PRKCE: variants seen among roughly 807,000 people sequenced by gnomAD.
The protein encoded by PRKCE is protein kinase C epsilon.
PRKCE carries 16 observed loss-of-function variants against 85.4 expected under a neutral mutation model. The observed-to-expected ratio is 0.19, with a 90% confidence interval of 0.13 to 0.28. PRKCE has a LOEUF of 0.28. PRKCE is among the 10% of genes least tolerant of loss of function. PRKCE has a pLI of 1.00. For missense variants in PRKCE, 573 were observed against 975.2 expected (o/e 0.59, Z 5.49); for synonymous variants, 388 against 371.5 (o/e 1.04, Z -0.51).
intron 1 of PRKCE, among the ~76,000 whole-genome samples, chr2:45,681,588 G>T (rs1364763012): frequency 1.3e-5 from 2 of 152,154 alleles, no homozygotes; most frequent in Non-Finnish European, 2.9e-5. Flanking sequence ...TTGACTCCTT[G>T]AGCTGTTTCA....
At chr2:45,946,486 G>T (rs560039687) in intron 2 of PRKCE, among the ~76,000 whole-genome samples, 6 of 152,314 alleles carry the variant, frequency 3.9e-5, no homozygotes, top group African/African-American at 1.2e-4. Flanking sequence ...CAAAGGCCTA[G>T]AAAACAGAAC....
chr2:45,773,249 G>A (rs1341023356), intron 1 of PRKCE, among the ~76,000 whole-genome samples: 1 of 152,248 alleles, frequency 6.6e-6, no homozygotes, highest in Non-Finnish European at 1.5e-5. Flanking sequence ...CCAGGCTACA[G>A]GAGGGTGAGG....
At chr2:45,712,550 G>T (rs571773342) in intron 1 of PRKCE, among the ~76,000 whole-genome samples, 1 of 152,110 alleles carries the variant, frequency 6.6e-6, no homozygotes, top group South Asian at 2.1e-4. Context: ...CTCCAGGAAC[G>T]TCTCTCCTCC....
At chr2:45,836,916 A>T (rs542308578) in intron 1 of PRKCE, among the ~76,000 whole-genome samples, 1 of 152,292 alleles carries the variant, frequency 6.6e-6, no homozygotes, top group African/African-American at 2.4e-5. Flanking sequence ...CTGACAGCAG[A>T]TGGGAAGGGA....
chr2:46,066,340 T>G (rs1411204618), intron 10 of PRKCE, among the ~76,000 whole-genome samples: 1 of 152,166 alleles, frequency 6.6e-6, no homozygotes, highest in African/African-American at 2.4e-5. Flanking sequence ...CTCACTTCAT[T>G]TTTTTGAGAC....
At chr2:46,048,071 G>C (rs755418813) in intron 10 of PRKCE, among the ~76,000 whole-genome samples, 1 of 151,852 alleles carries the variant, frequency 6.6e-6, no homozygotes, top group Non-Finnish European at 1.5e-5. Context: ...TCTAAACAGC[G>C]TGTCAAGGAC....
At chr2:45,669,298 C>A (rs582384) in intron 1 of PRKCE, among the ~76,000 whole-genome samples, 65,607 of 152,044 alleles carry the variant, frequency 0.43, 16,776 homozygotes, top group Non-Finnish European at 0.56. Context: ...ATGTGGCTGT[C>A]CCCTTGTGGG....
intron 2 of PRKCE, among the ~76,000 whole-genome samples, chr2:45,887,179 C>A (rs978169353): frequency 2.0e-5 from 3 of 152,100 alleles, no homozygotes; most frequent in Non-Finnish European, 4.4e-5. Context: ...TGGGCCTGAC[C>A]CAGGATACAT....
chr2:45,662,188 A>G (rs1333718823), intron 1 of PRKCE, among the ~76,000 whole-genome samples: 3 of 152,206 alleles, frequency 2.0e-5, no homozygotes, highest in Non-Finnish European at 4.4e-5. Context: ...TAGTATATTC[A>G]TTCATTGTTC....
chr2:45,689,183 A>C (rs1421120808), intron 1 of PRKCE, among the ~76,000 whole-genome samples: 2 of 152,228 alleles, frequency 1.3e-5, no homozygotes. Flanking sequence ...GCACATTCGG[A>C]ATAGAATTTG....
chr2:46,048,693 G>C (rs1210135948), intron 10 of PRKCE, among the ~76,000 whole-genome samples: 1 of 152,202 alleles, frequency 6.6e-6, no homozygotes, highest in Non-Finnish European at 1.5e-5. Context: ...TTCTCTCTCT[G>C]TTTAGGGGTG....
intron 1 of PRKCE, among the ~76,000 whole-genome samples, chr2:45,817,418 G>T (rs1184220009): frequency 6.6e-6 from 1 of 152,142 alleles, no homozygotes; most frequent in Non-Finnish European, 1.5e-5. Context: ...TTCCGGCTGG[G>T]CGCGGTGGCT....
At chr2:45,891,749 C>CTT in intron 2 of PRKCE, among the ~76,000 whole-genome samples, 1 of 152,194 alleles carries the variant, frequency 6.6e-6, no homozygotes, top group Non-Finnish European at 1.5e-5. Flanking sequence ...TGGGCTGCTT[C>CTT]CTCTCCCTTC....
chr2:45,837,279 C>T (rs963800972), intron 1 of PRKCE, among the ~76,000 whole-genome samples: 6 of 152,160 alleles, frequency 3.9e-5, no homozygotes, highest in African/African-American at 1.2e-4. Flanking sequence ...TTTTTTAAGA[C>T]GGAGTCTTGC....
At chr2:45,897,233 A>G (rs1219885408) in intron 2 of PRKCE, among the ~76,000 whole-genome samples, 1 of 152,192 alleles carries the variant, frequency 6.6e-6, no homozygotes, top group African/African-American at 2.4e-5. Context: ...TTCATTCATC[A>G]GTCCATCTAT....
rs186502006 is a variant in PRKCE, at chr2:45,684,577, G to A, written c.348+32129G>A. Among the ~76,000 whole-genome samples, 93 of 152,326 alleles carry A rather than the reference G, an allele frequency of 6.1e-4. 3 individuals are homozygous for A. The highest frequency in any genetic ancestry group is 4.6e-3 in the Admixed American group (71 of 15,298). ...TATTTTACTTAAAAAATGTTGGTTG[G>A]ACCTACAATATTGATTTTACAACCC... On this transcript the variant is annotated intron_variant, in intron 1 of 14. Coordinates refer to ENST00000306156, the MANE Select transcript of PRKCE (RefSeq NM_005400.3).
intron 1 of PRKCE, among the ~76,000 whole-genome samples, chr2:45,798,450 T>G (rs1687606713): frequency 6.6e-6 from 1 of 152,174 alleles, no homozygotes; most frequent in Non-Finnish European, 1.5e-5. Context: ...TGGGACCTCC[T>G]GTAGGCGCTA....
intron 2 of PRKCE, among the ~76,000 whole-genome samples, chr2:45,863,921 G>C (rs10179520): frequency 2.0e-5 from 3 of 151,946 alleles, no homozygotes; most frequent in African/African-American, 7.3e-5. Context: ...GGCAGCAGAC[G>C]GCCCAATTCA....
intron 1 of PRKCE, among the ~76,000 whole-genome samples, chr2:45,679,333 C>T (rs954031222): frequency 1.8e-4 from 28 of 152,292 alleles, no homozygotes; most frequent in East Asian, 1.9e-4. Context: ...CCTCTAAGAG[C>T]TATACTGGAG....
Sources: allele counts gnomAD v4.1 joint callset (sites outside exome capture counted in the v4.1 genomes callset), GRCh38; gene constraint gnomAD v4.1.1; transcripts MANE v1.5; gene names NCBI Gene and HGNC (gene_info 2026-07-23, HGNC 2026-07-21).